The following CLSPN variants were observed in gnomAD, a reference collection of about 807,000 sequenced individuals.
CLSPN encodes the protein claspin.
A neutral mutation model predicts 156.3 loss-of-function variants in CLSPN; 85 were observed. The observed-to-expected ratio is 0.54, with a 90% CI of 0.46 to 0.65. The LOEUF (loss-of-function observed/expected upper bound fraction) is 0.65. Ranked by LOEUF, CLSPN falls within the 30% of genes least tolerant of loss-of-function variation. The pLI is 0.00. For synonymous variants in CLSPN, 534 were observed against 542.4 expected (o/e 0.98, Z 0.22); for missense variants, 1,407 against 1,554.9 (o/e 0.90, Z 1.60).
chr1:35,749,484 T>C lies in CLSPN; in HGVS notation c.2255A>G (p.Lys752Arg). The stretch of plus-strand genomic sequence containing the variant: ...CTACTTACCCAGTTTGCTAGGCTGC[T>C]TGCCTGAGTTTTCATCTGTTTCTGA... The part of the protein sequence containing the change: ...EKSETDENSG[K>R]QPSKLDEDDS... Residue 752 changes from lysine to arginine, a missense_variant, in exon 12 of 25, where the codon AAG becomes AGG. Lys to Arg is a conservative substitution (Grantham distance 26, BLOSUM62 2). Transcript: ENST00000318121. The C allele has an allele frequency of 1.9e-6, 3 of 1,614,158 alleles. No individual in the cohort carries two copies. The highest frequency in any genetic ancestry group is 2.5e-6 in the Non-Finnish European group (3 of 1,179,998).
chr1:35,721,791 C>G (rs1265334406), intron 24 of CLSPN, among the ~76,000 whole-genome samples: 2 of 152,102 alleles, frequency 1.3e-5, no homozygotes, highest in African/African-American at 2.4e-5. Flanking sequence ...ACCGCTACCT[C>G]TTCTTGTTAT....
At chr1:35,754,695 G>A (rs536211212) in intron 8 of CLSPN, among the ~76,000 whole-genome samples, 2 of 152,102 alleles carry the variant, frequency 1.3e-5, no homozygotes, top group South Asian at 4.1e-4. Flanking sequence ...TTCAAGAAGG[G>A]AAAATAAAAT....
chr1:35,724,107 T>C (rs1641129004), intron 24 of CLSPN, among the ~76,000 whole-genome samples: 1 of 152,056 alleles, frequency 6.6e-6, no homozygotes, highest in Non-Finnish European at 1.5e-5. Context: ...ACAGAGGTGA[T>C]TTTTTTTATT....
intron 8 of CLSPN, among the ~76,000 whole-genome samples, chr1:35,760,019 A>G (rs1350853002): frequency 1.3e-5 from 2 of 152,106 alleles, no homozygotes; most frequent in East Asian, 3.9e-4. Context: ...TTTTTAGTAC[A>G]GACGGGGTTT....
chr1:35,767,343 CTT>C (rs1642711947), intron 1 of CLSPN, among the ~76,000 whole-genome samples: 1 of 152,104 alleles, frequency 6.6e-6, no homozygotes, highest in Admixed American at 6.6e-5. Flanking sequence ...ACACTAAAAT[CTT>C]TGTGGTTCAA....
In CLSPN at chr1:35,722,423, T is replaced by C. The variant is rs1189383847; in HGVS notation, c.3910-1443A>G. Among the ~76,000 whole-genome samples, 3 of 152,026 alleles carry C rather than the reference T, an allele frequency of 2.0e-5. No homozygotes were observed. The East Asian group carries it at 5.9e-4, about 30-fold the overall frequency. ...GTGCCCGCCACCTGGTGAATGTTTG[T>C]ATTTTTAGTAGAGGCAGGATTTCAC... On this transcript the variant is annotated intron_variant, in intron 24 of 24. Coordinates refer to the CLSPN transcript ENST00000251195.
At chr1:35,757,001 A>G (rs1486379948) in intron 8 of CLSPN, among the ~76,000 whole-genome samples, 3 of 152,186 alleles carry the variant, frequency 2.0e-5, no homozygotes, top group Non-Finnish European at 4.4e-5. Context: ...TGTCCTTGCT[A>G]TCTTCACTTC....
At chr1:35,731,571 C>CA (rs1437202652), downstream of CLSPN, among the ~76,000 whole-genome samples, 1 of 152,060 alleles carries the variant, frequency 6.6e-6, no homozygotes, top group Non-Finnish European at 1.5e-5. Context: ...GAAAAGGAAG[C>CA]AAAAACAGAA....
intron 1 of CLSPN, among the ~76,000 whole-genome samples, chr1:35,765,994 C>CTCTTTTTTT (rs60908491): frequency 4.7e-5 from 5 of 106,484 alleles, no homozygotes; most frequent in East Asian, 3.1e-4. Flanking sequence ...CTCTCTCTCT[C>CTCTTTTTTT]TTTTTTTTTT....
chr1:35,725,791 C>T (rs1641169540), intron 24 of CLSPN, among the ~76,000 whole-genome samples: 1 of 152,144 alleles, frequency 6.6e-6, no homozygotes, highest in Non-Finnish European at 1.5e-5. Context: ...GGAGTTGGGG[C>T]ATGTGCCGAG....
At chr1:35,725,735 T>C (rs1051958069) in intron 24 of CLSPN, among the ~76,000 whole-genome samples, 2 of 152,134 alleles carry the variant, frequency 1.3e-5, no homozygotes, top group Non-Finnish European at 2.9e-5. Flanking sequence ...TTTGGGGAGC[T>C]GGGTGTATAA....
chr1:35,722,253 CTTT>C (rs568124252), intron 24 of CLSPN, among the ~76,000 whole-genome samples: 5 of 124,630 alleles, frequency 4.0e-5, no homozygotes, highest in Admixed American at 9.1e-5. Flanking sequence ...CTAGTTATTC[CTTT>C]TTTTTTTTTT....
intron 21 of CLSPN, 24 bp from the exon 22 acceptor site, chr1:35,738,121 T>C (rs199569493): frequency 4.6e-6 from 2 of 433,966 alleles, no homozygotes; most frequent in African/African-American, 7.2e-5. Flanking sequence ...AAAATATATA[T>C]ATATATATAT....
chr1:35,738,109 AAAAAATATATAT>A lies in CLSPN; in HGVS notation c.3559-24_3559-13del, dbSNP rs1557500982. On this transcript the variant is annotated splice_polypyrimidine_tract_variant and intron_variant, in intron 21 of 24. Transcript: ENST00000318121. ...TTCCCCTGCTGTGCCTGAAAAAAAA[AAAAAATATATAT>A]ATATATATATATATATATACAGCAT... is the stretch of plus-strand genomic sequence containing the variant. The A allele has an allele frequency of 4.1e-5, 26 of 631,066 alleles. 1 individual carries two copies. Among genetic ancestry groups the A allele is most frequent in the East Asian group, 2.0e-4 (5 of 25,528 alleles). The allele number at this position is 631,066 out of a possible 1,614,324, so 39.1% of individuals were successfully genotyped here.
Position 35,762,025 on chromosome 1 carries a change from G to A in CLSPN, c.868C>T (p.His290Tyr), listed in dbSNP as rs1225089284. Residue 290 changes from histidine to tyrosine, a missense_variant, in exon 6 of 25, where the codon CAT becomes TAT. Physicochemically the swap from His to Tyr is moderately conservative, Grantham distance 83. Around this residue, in one of 3 missense-constraint regions of CLSPN, gnomAD observed 1,096 missense variants for 1,193.0 expected, o/e 0.92. Coordinates refer to ENST00000318121, the MANE Select transcript of CLSPN (RefSeq NM_022111.4). The stretch of plus-strand genomic sequence containing the variant: ...CGAATAAGGCGCTGAGTCTCACTAT[G>A]CAGTTGTTTTAATGCTTCTTTACTT... ...RLSKEALKQLHSETQRLIRES... is the reference protein window; with the variant it reads ...RLSKEALKQLYSETQRLIRES... 2 of 1,613,438 alleles carry A rather than the reference G, an allele frequency of 1.2e-6. No homozygotes were observed. The highest frequency in any genetic ancestry group is 1.7e-6 in the Non-Finnish European group (2 of 1,179,570).
intron 23 of CLSPN, 75 bp from the exon 24 acceptor site, chr1:35,737,150 T>C: frequency 1.4e-6 from 2 of 1,451,006 alleles, no homozygotes; most frequent in Non-Finnish European, 1.9e-6. Flanking sequence ...CCTCCCTGCT[T>C]CCCCCTAGAT....
chr1:35,742,067 A>G (rs950882777), intron 18 of CLSPN, among the ~76,000 whole-genome samples: 13 of 147,354 alleles, frequency 8.8e-5, no homozygotes, highest in Non-Finnish European at 1.5e-5. Flanking sequence ...GGATCACTTG[A>G]GGCCAACAGT....
intron 7 of CLSPN, 32 bp downstream of exon 7, chr1:35,761,064 T>C: frequency 6.6e-7 from 1 of 1,524,940 alleles, no homozygotes; most frequent in South Asian, 1.1e-5. Flanking sequence ...TAAATGTTCA[T>C]GAAAATTATA....
At chr1:35,737,606 A>G in intron 22 of CLSPN, 185 bp from the exon 23 acceptor site, 1 of 545,700 alleles carries the variant, frequency 1.8e-6, no homozygotes. Flanking sequence ...TAAGTTGAAC[A>G]GTAATCATTT....
Sources: gnomAD v4.1 joint callset for allele counts (sites outside exome capture counted in the v4.1 genomes callset) on GRCh38, gnomAD v4.1.1 for gene constraint, gnomAD v4.1.1 regional missense constraint, MANE v1.5 for transcripts, NCBI Gene and HGNC (gene_info 2026-07-23, HGNC 2026-07-21) for gene names.